PCED1B: variants seen among roughly 807,000 people sequenced by gnomAD.
PCED1B encodes the protein PC-esterase domain-containing protein 1B.
For synonymous variants in PCED1B, 251 were observed against 246.1 expected (o/e 1.02, Z -0.19); for missense variants, 573 against 573.9 (o/e 1.00, Z 0.02).
In PCED1B at chr12:47,216,507, T is replaced by C. The variant is rs1943264807; in HGVS notation, c.-240T>C. ...CCAGATGCCACCGGAAATGTCATCT[T>C]CTCCCCAGACGCTGGCTTGCAAGCA... On this transcript the variant is annotated 5_prime_UTR_variant, in exon 3 of 4. Transcript: ENST00000546455. The C allele has an allele frequency of 1.3e-5, 2 of 152,104 alleles. No individual in the cohort carries two copies. The highest frequency in any genetic ancestry group is 4.8e-5 in the African/African-American group (2 of 41,388). 9.4% of individuals were successfully genotyped at this position (152,104 alleles called of 1,614,324 possible). A position where few individuals can be genotyped will look rare whatever the true frequency, so the allele number is the denominator to read the frequency against.
At chr12:47,117,879 T>G (rs1172396776) in intron 2 of PCED1B, among the ~76,000 whole-genome samples, 1 of 152,222 alleles carries the variant, frequency 6.6e-6, no homozygotes, top group Non-Finnish European at 1.5e-5. Context: ...GACTTTTTAA[T>G]GATCACCATT....
In PCED1B at chr12:47,235,002, C is replaced by T. The variant is rs1186573245; in HGVS notation, c.-57-5C>T. On this transcript the variant is annotated splice_polypyrimidine_tract_variant and splice_region_variant and intron_variant, in intron 3 of 3. Transcript: ENST00000546455. ...CCTCCCAGCCCTTCTCTCCTTCTGT[C>T]CTAGCCATCCGCAGAGCCATCCTGT... 3.0e-5 allele frequency: 43 copies of T among 1,452,930 alleles called. No individual in the cohort carries two copies. Among genetic ancestry groups the T allele is most frequent in the Non-Finnish European group, 3.9e-5 (42 of 1,082,860 alleles). The allele number at this position is 1,452,930 out of a possible 1,614,324, so 90.0% of individuals were successfully genotyped here. A position where few individuals can be genotyped will look rare whatever the true frequency, so the allele number is the denominator to read the frequency against.
At chr12:47,166,066 C>T (rs1019551036) in intron 2 of PCED1B, among the ~76,000 whole-genome samples, 22 of 152,160 alleles carry the variant, frequency 1.4e-4, no homozygotes, top group African/African-American at 5.3e-4. Context: ...GACCCGGGGT[C>T]AACCCAGCCC....
At chr12:47,157,668 A>G (rs1941238259) in intron 2 of PCED1B, among the ~76,000 whole-genome samples, 1 of 152,062 alleles carries the variant, frequency 6.6e-6, no homozygotes. Flanking sequence ...CATCTTAACC[A>G]TTTTTTAATG....
At chr12:47,102,852 G>C (rs996943187) in intron 1 of PCED1B, among the ~76,000 whole-genome samples, 1 of 152,198 alleles carries the variant, frequency 6.6e-6, no homozygotes, top group African/African-American at 2.4e-5. Context: ...TATAAGTAAC[G>C]TAGAAGAGTT....
intron 2 of PCED1B, among the ~76,000 whole-genome samples, chr12:47,177,777 A>G (rs1330207741): frequency 6.6e-6 from 1 of 152,112 alleles, no homozygotes; most frequent in East Asian, 1.9e-4. Context: ...AACATGGTGA[A>G]ACCCTGTCTC....
At chr12:47,174,142 C>T (rs1941843707) in intron 2 of PCED1B, among the ~76,000 whole-genome samples, 1 of 152,136 alleles carries the variant, frequency 6.6e-6, no homozygotes. Flanking sequence ...GCTGAGGTGG[C>T]TCACGCCTGT....
At chr12:47,134,325 TC>T (rs961113924) in intron 2 of PCED1B, among the ~76,000 whole-genome samples, 9 of 152,244 alleles carry the variant, frequency 5.9e-5, no homozygotes, top group African/African-American at 2.2e-4. Context: ...TGAAACTTTT[TC>T]CTTTCTTCTT....
intron 2 of PCED1B, among the ~76,000 whole-genome samples, chr12:47,175,654 A>G (rs1453784093): frequency 6.6e-6 from 1 of 151,922 alleles, no homozygotes; most frequent in Non-Finnish European, 1.5e-5. Context: ...GCTCACTGCA[A>G]CCTCAGCCTC....
intron 2 of PCED1B, among the ~76,000 whole-genome samples, chr12:47,171,705 G>A (rs1941741717): frequency 6.6e-6 from 1 of 152,024 alleles, no homozygotes; most frequent in Non-Finnish European, 1.5e-5. Flanking sequence ...TAAAATTCTT[G>A]GATTGTAGTT....
chr12:47,149,857 C>A (rs1170575148), intron 2 of PCED1B, among the ~76,000 whole-genome samples: 1 of 152,150 alleles, frequency 6.6e-6, no homozygotes, highest in Admixed American at 6.5e-5. Flanking sequence ...GGATTCAGGG[C>A]AGAAATACAG....
At position 47,203,158 on chromosome 12, in the gene PCED1B, T is replaced by C. The variant is rs201996330; in HGVS notation, c.-525-13064T>C. On this transcript the variant is annotated intron_variant, in intron 2 of 3. Coordinates refer to ENST00000546455, the MANE Select transcript of PCED1B (RefSeq NM_138371.3). ...CTAATTTTTGTATTTTTAGTAGAGA[T>C]GGAGTTTCACCATGTTGGCCAGGCT... Among the ~76,000 whole-genome samples, 279 of 152,018 alleles carry C rather than the reference T, an allele frequency of 1.8e-3. 6 individuals carry two copies. In the East Asian group the frequency reaches 0.03, roughly 16 times the overall value.
At position 47,216,011 on chromosome 12, in the gene PCED1B, C is replaced by A. The variant is rs549961928; in HGVS notation, c.-525-211C>A. Among the ~76,000 whole-genome samples the A allele has an allele frequency of 1.2e-3, 185 of 152,146 alleles. 1 individual carries two copies. Among genetic ancestry groups the A allele is most frequent in the African/African-American group, 4.2e-3 (175 of 41,520 alleles). ...GAGGTTGCAATGAGCCGAGACCATG[C>A]CACTGCACTCCAGCCTGGGCAACAA... On this transcript the variant is annotated intron_variant, in intron 2 of 3. Transcript: ENST00000546455.
intron 2 of PCED1B, among the ~76,000 whole-genome samples, chr12:47,175,199 G>C (rs1941883147): frequency 6.6e-6 from 1 of 152,096 alleles, no homozygotes; most frequent in Non-Finnish European, 1.5e-5. Context: ...TTAAAATATG[G>C]TGCTGGCTTT....
rs1209264598 is a variant in PCED1B at position 47,202,863 on chromosome 12, T to A, written c.-525-13359T>A. Among the ~76,000 whole-genome samples, 7 of 152,038 alleles carry A rather than the reference T, an allele frequency of 4.6e-5. 1 individual carries two copies. On this transcript the variant is annotated intron_variant, in intron 2 of 3. Transcript: ENST00000546455. ...ACATGTGGTCTCCAGTTTGCCAGAA[T>A]CCTCACTAATCCCAATTGTTCCCAA...
At chr12:47,181,008 T>G (rs1942076913) in intron 2 of PCED1B, among the ~76,000 whole-genome samples, 1 of 152,112 alleles carries the variant, frequency 6.6e-6, no homozygotes, top group African/African-American at 2.4e-5. Context: ...TTCTTTTTTT[T>G]TTTTTGAGAC....
intron 2 of PCED1B, among the ~76,000 whole-genome samples, chr12:47,193,081 C>T (rs1386990311): frequency 2.0e-5 from 3 of 152,136 alleles, no homozygotes; most frequent in Non-Finnish European, 2.9e-5. Flanking sequence ...TTTTGCATGT[C>T]TCTCCTAGCT....
intron 1 of PCED1B, among the ~76,000 whole-genome samples, chr12:47,087,081 C>T (rs1324162526): frequency 6.6e-6 from 1 of 152,222 alleles, no homozygotes; most frequent in Non-Finnish European, 1.5e-5. Flanking sequence ...TCAGCAAACA[C>T]AAGGCCCTCT....
intron 2 of PCED1B, among the ~76,000 whole-genome samples, chr12:47,177,375 G>C (rs1941956014): frequency 6.6e-6 from 1 of 152,160 alleles, no homozygotes; most frequent in South Asian, 2.1e-4. Flanking sequence ...TCATATAAGA[G>C]AGCATTTTGG....
Sources: allele counts gnomAD v4.1 joint callset (sites outside exome capture counted in the v4.1 genomes callset), GRCh38; gene constraint gnomAD v4.1.1; transcripts MANE v1.5; gene names NCBI Gene and HGNC (gene_info 2026-07-23, HGNC 2026-07-21).